The following GSE1 variants were observed in gnomAD, a reference collection of about 807,000 sequenced individuals.
GSE1 encodes genetic suppressor element 1.
In GSE1, 32 loss-of-function variants were observed where a neutral mutation model predicts 112.6. That is an observed-to-expected ratio of 0.28 (90% CI 0.21 to 0.38). GSE1 has a LOEUF of 0.38. GSE1 is among the 10% of genes least tolerant of loss of function. GSE1 has a pLI of 1.00. For missense variants in GSE1, 2,348 were observed against 1,699.2 expected, an observed-to-expected ratio of 1.38 and a Z score of -6.71; for synonymous variants, 1,115 against 735.6, an observed-to-expected ratio of 1.52 and a Z score of -8.35.
chr16:85,542,950 G>A (rs1001445564), intron 2 of GSE1, among the ~76,000 whole-genome samples: 1 of 152,180 alleles, frequency 6.6e-6, no homozygotes, highest in African/African-American at 2.4e-5. Context: ...CCTTGTAGCC[G>A]GGCGTGGTGG....
In GSE1 at chr16:85,666,057, C is replaced by T. The variant is rs777298065; in HGVS notation, c.2840C>T (p.Ala947Val). 3.3e-5 allele frequency: 53 copies of T among 1,613,404 alleles called. No homozygotes were observed. Among genetic ancestry groups the T allele is most frequent in the South Asian group, 5.5e-5 (5 of 91,088 alleles). ...AASLSDIPKA[A>V]EPGKLEQVRP... ...TCCTTGTCTGACATCCCAAAGGCCG[C>T]GGAGCCTGGGAAGCTGGAACAGGTC... Residue 947 changes from alanine (A) to valine (V), a missense_variant, in exon 13 of 16, where the codon GCG becomes GTG. Transcript: ENST00000253458.
intron 2 of GSE1, among the ~76,000 whole-genome samples, chr16:85,481,033 C>G (rs978531816): frequency 1.3e-5 from 2 of 152,246 alleles, no homozygotes; most frequent in Non-Finnish European, 2.9e-5. Flanking sequence ...CCCTTGCTCC[C>G]TCTCTGGGCC....
At chr16:85,260,327 T>TC (rs1354974907) in intron 1 of GSE1, among the ~76,000 whole-genome samples, 1 of 140,960 alleles carries the variant, frequency 7.1e-6, no homozygotes, top group Non-Finnish European at 1.5e-5. Flanking sequence ...TTCTTTTTTT[T>TC]TTTTTTTTTT....
intron 3 of GSE1, among the ~76,000 whole-genome samples, chr16:85,652,357 C>G (rs1394905008): frequency 6.6e-6 from 1 of 152,256 alleles, no homozygotes; most frequent in Admixed American, 6.5e-5. Flanking sequence ...AGGCCAGGCG[C>G]TGGCTCCTCA....
chr16:85,213,799 G>A (rs993422773), intron 1 of GSE1, among the ~76,000 whole-genome samples: 6 of 152,228 alleles, frequency 3.9e-5, no homozygotes, highest in African/African-American at 7.2e-5. Context: ...GAAGGCCCCC[G>A]CTGCCCAGCC....
intron 1 of GSE1, among the ~76,000 whole-genome samples, chr16:85,284,401 A>G (rs919132046): frequency 1.3e-5 from 2 of 151,986 alleles, no homozygotes; most frequent in Admixed American, 1.3e-4. Flanking sequence ...CTCGGCGAGG[A>G]CTCTGGGAGG....
intron 1 of GSE1, among the ~76,000 whole-genome samples, chr16:85,262,368 A>C (rs1411578170): frequency 6.6e-6 from 1 of 151,964 alleles, no homozygotes; most frequent in Admixed American, 6.6e-5. Context: ...ATTGTCGGGG[A>C]GGGGGCCAGC....
At chr16:85,190,837 C>A (rs982860882) in intron 1 of GSE1, among the ~76,000 whole-genome samples, 1 of 152,262 alleles carries the variant, frequency 6.6e-6, no homozygotes, top group African/African-American at 2.4e-5. Flanking sequence ...AGGGCGGACT[C>A]ACCAGGGTGG....
intron 2 of GSE1, among the ~76,000 whole-genome samples, chr16:85,432,074 C>G (rs534145758): frequency 9.2e-5 from 14 of 152,332 alleles, no homozygotes; most frequent in African/African-American, 3.4e-4. Flanking sequence ...ACCCCTCACC[C>G]CTCTTCCCCC....
At chr16:85,465,755 CA>C (rs1204289086) in intron 2 of GSE1, among the ~76,000 whole-genome samples, 3 of 152,218 alleles carry the variant, frequency 2.0e-5, no homozygotes, top group Non-Finnish European at 4.4e-5. Context: ...CTCTCCCTAT[CA>C]GACAGACGTT....
chr16:85,258,415 G>A (rs1454691410), intron 1 of GSE1, among the ~76,000 whole-genome samples: 3 of 152,140 alleles, frequency 2.0e-5, no homozygotes, highest in Admixed American at 6.5e-5. Context: ...TGATTCCTTC[G>A]TTCTTCCACT....
intron 1 of GSE1, among the ~76,000 whole-genome samples, chr16:85,261,374 C>G (rs1907667768): frequency 6.6e-6 from 1 of 152,246 alleles, no homozygotes; most frequent in South Asian, 2.1e-4. Flanking sequence ...CAGTTGCTGA[C>G]TCAGTGAATT....
At chr16:85,441,933 A>G (rs921353089) in intron 2 of GSE1, among the ~76,000 whole-genome samples, 19 of 152,192 alleles carry the variant, frequency 1.2e-4, no homozygotes, top group African/African-American at 4.3e-4. Context: ...GCCGCTTGCA[A>G]TAAAATCCCA....
chr16:85,671,458 G>T (rs72803005), intron 15 of GSE1, among the ~76,000 whole-genome samples: 1 of 98,850 alleles, frequency 1.0e-5, no homozygotes, highest in Non-Finnish European at 2.0e-5. Flanking sequence ...AAAAAAAAAA[G>T]ATCAAAATTT....
chr16:85,588,896 G>C (rs1024079356), intron 1 of GSE1, among the ~76,000 whole-genome samples: 2 of 152,146 alleles, frequency 1.3e-5, no homozygotes, highest in African/African-American at 2.4e-5. Context: ...TGTGCGCACA[G>C]CTCTGGGGAA....
intron 2 of GSE1, among the ~76,000 whole-genome samples, chr16:85,536,724 C>T (rs1362164052): frequency 6.6e-6 from 1 of 152,188 alleles, no homozygotes; most frequent in African/African-American, 2.4e-5. Context: ...CTGGAATGGC[C>T]ATGTCACTGT....
chr16:85,568,883 C>A (rs2045867370), intron 1 of GSE1, among the ~76,000 whole-genome samples: 1 of 152,194 alleles, frequency 6.6e-6, no homozygotes, highest in African/African-American at 2.4e-5. Flanking sequence ...AGGGTGACGT[C>A]TGTGCAGAAG....
intron 2 of GSE1, among the ~76,000 whole-genome samples, chr16:85,635,248 G>T (rs775272299): frequency 6.6e-6 from 1 of 152,168 alleles, no homozygotes; most frequent in East Asian, 1.9e-4. Flanking sequence ...TGGATGGGGG[G>T]TATTGGCCCA....
chr16:85,392,495 G>A (rs1320771144), intron 2 of GSE1, among the ~76,000 whole-genome samples: 1 of 152,202 alleles, frequency 6.6e-6, no homozygotes, highest in Non-Finnish European at 1.5e-5. Context: ...ATTGACTGTG[G>A]TGAGTAGCTG....
Sources: allele counts gnomAD v4.1 joint callset (sites outside exome capture counted in the v4.1 genomes callset), GRCh38; gene constraint gnomAD v4.1.1; transcripts MANE v1.5; gene names NCBI Gene and HGNC (gene_info 2026-07-23, HGNC 2026-07-21).